Variants in MALRD1 observed in about 807,000 individuals in gnomAD.
MALRD1 encodes MAM and LDL-receptor class A domain-containing protein 1.
A neutral mutation model predicts 242.1 loss-of-function variants in MALRD1; 247 were observed. The observed-to-expected ratio is 1.02, with a 90% confidence interval of 0.92 to 1.13. The LOEUF is 1.13. Among genes scored for constraint, MALRD1 ranks in the 50% most tolerant of loss-of-function variants. The probability of loss-of-function intolerance (pLI) is 0.00; values close to 1 mark genes in which losing one functional copy is unlikely to be tolerated. For synonymous variants in MALRD1, 995 were observed against 866.6 expected (o/e 1.15, Z -2.60); for missense variants, 2,989 against 2,533.1 (o/e 1.18, Z -3.86).
intron 36 of MALRD1, among the ~76,000 whole-genome samples, chr10:19,618,926 C>T (rs1839285572): frequency 6.6e-6 from 1 of 151,992 alleles, no homozygotes; most frequent in African/African-American, 2.4e-5. Flanking sequence ...AGTTTCTCTT[C>T]TGTTTGTCTA....
intron 33 of MALRD1, among the ~76,000 whole-genome samples, chr10:19,576,507 A>G (rs1836834106): frequency 6.6e-6 from 1 of 152,230 alleles, no homozygotes; most frequent in African/African-American, 2.4e-5. Context: ...AATGGAAGGG[A>G]AATTAATCAA....
At position 19,154,702 on chromosome 10, in the gene MALRD1, A is replaced by T. The variant is rs558493237; in HGVS notation, c.1559-373A>T. Among the ~76,000 whole-genome samples the T allele has an allele frequency of 3.3e-5, 5 of 152,318 alleles. No individual in the cohort carries two copies. The East Asian group carries it at 7.7e-4, about 24-fold the overall frequency. On this transcript the variant is annotated intron_variant, in intron 11 of 39. Coordinates refer to ENST00000454679, the MANE Select transcript of MALRD1 (RefSeq NM_001142308.3). ...ATTCCATAAGCTCATATCCTTCGGTACTTTGTGAAGAAACTAAAAAGTAAA... is the reference window on the plus strand; with the variant it reads ...ATTCCATAAGCTCATATCCTTCGGTTCTTTGTGAAGAAACTAAAAAGTAAA...
At chr10:19,382,646 G>C (rs1018324933) in intron 26 of MALRD1, among the ~76,000 whole-genome samples, 1 of 151,894 alleles carries the variant, frequency 6.6e-6, no homozygotes, top group South Asian at 2.1e-4. Flanking sequence ...GTCTTGATCC[G>C]GGCTTTCTTC....
intron 36 of MALRD1, among the ~76,000 whole-genome samples, chr10:19,687,924 TTATGTTATGTTA>T (rs1842647029): frequency 2.1e-5 from 1 of 47,432 alleles, no homozygotes; most frequent in South Asian, 5.0e-4. Flanking sequence ...TTATGTTATG[TTATGTTATGTTA>T]TGTTATGTTA....
At chr10:19,570,459 G>C (rs908018875) in intron 33 of MALRD1, among the ~76,000 whole-genome samples, 3 of 152,004 alleles carry the variant, frequency 2.0e-5, no homozygotes, top group African/African-American at 4.8e-5. Context: ...GAATGTCAAA[G>C]AGAAAACAGA....
At chr10:19,715,769 A>G (rs1464867050) in intron 38 of MALRD1, among the ~76,000 whole-genome samples, 1 of 152,190 alleles carries the variant, frequency 6.6e-6, no homozygotes, top group Non-Finnish European at 1.5e-5. Context: ...ATCATGGCGG[A>G]AGGCAAAGGG....
chr10:19,048,431 A>T (rs1410275687), upstream of MALRD1, among the ~76,000 whole-genome samples: 2 of 152,226 alleles, frequency 1.3e-5, no homozygotes, highest in Admixed American at 1.3e-4. Context: ...ATGGAAAAGC[A>T]TTTTATTTTC....
intron 33 of MALRD1, among the ~76,000 whole-genome samples, chr10:19,583,968 G>A (rs7080035): frequency 0.51 from 77,612 of 151,734 alleles, 19,953 homozygotes; most frequent in African/African-American, 0.54. Flanking sequence ...TGTGTGTGTC[G>A]AGGAATTTAT....
intron 33 of MALRD1, among the ~76,000 whole-genome samples, chr10:19,576,600 G>C (rs1280401603): frequency 6.6e-6 from 1 of 152,126 alleles, no homozygotes; most frequent in Non-Finnish European, 1.5e-5. Context: ...TTATTCTTTA[G>C]TACACCTACT....
intron 5 of MALRD1, among the ~76,000 whole-genome samples, chr10:19,121,286 C>A (rs1026109258): frequency 2.6e-5 from 4 of 151,836 alleles, no homozygotes; most frequent in African/African-American, 9.7e-5. Flanking sequence ...AGTGATCCAC[C>A]TGCTTCGGCC....
intron 18 of MALRD1, among the ~76,000 whole-genome samples, chr10:19,238,427 A>ATATATAATGTATAT (rs1838534638): frequency 3.7e-5 from 3 of 80,070 alleles, no homozygotes; most frequent in Admixed American, 2.3e-4. Flanking sequence ...AATATACATT[A>ATATATAATGTATAT]TATATAATAT....
intron 1 of MALRD1, among the ~76,000 whole-genome samples, chr10:19,051,137 A>G (rs987197302): frequency 6.6e-6 from 1 of 152,222 alleles, no homozygotes; most frequent in African/African-American, 2.4e-5. Flanking sequence ...GAATCACTTT[A>G]AAGCATGAAT....
At chr10:19,667,746 C>T (rs1841738041) in intron 36 of MALRD1, among the ~76,000 whole-genome samples, 1 of 152,124 alleles carries the variant, frequency 6.6e-6, no homozygotes, top group African/African-American at 2.4e-5. Flanking sequence ...GCTTTCTGTA[C>T]AGTCTGCAAA....
At chr10:19,477,819 A>T (rs915708902) in intron 29 of MALRD1, among the ~76,000 whole-genome samples, 7 of 152,172 alleles carry the variant, frequency 4.6e-5, no homozygotes, top group African/African-American at 1.7e-4. Context: ...GAAGCTGGTC[A>T]TCCCACCGTA....
chr10:19,647,482 T>C (rs1326983), intron 36 of MALRD1, among the ~76,000 whole-genome samples: 87,364 of 151,908 alleles, frequency 0.58, 25,224 homozygotes, highest in African/African-American at 0.6. Context: ...TAGGAATAGA[T>C]GAGTAAAGTG....
At chr10:19,614,035 AT>A (rs1336920722) in intron 35 of MALRD1, among the ~76,000 whole-genome samples, 1 of 150,832 alleles carries the variant, frequency 6.6e-6, no homozygotes, top group Admixed American at 6.6e-5. Flanking sequence ...CCACACTCAC[AT>A]TTTTTTTTCA....
intron 21 of MALRD1, among the ~76,000 whole-genome samples, chr10:19,302,498 T>C (rs1397723513): frequency 2.0e-5 from 3 of 151,772 alleles, no homozygotes; most frequent in African/African-American, 4.8e-5. Context: ...TGGATGAACG[T>C]TGAGAACATT....
At chr10:19,180,402 C>G (rs557659731) in intron 14 of MALRD1, among the ~76,000 whole-genome samples, 13 of 152,160 alleles carry the variant, frequency 8.5e-5, no homozygotes, top group African/African-American at 3.1e-4. Flanking sequence ...ACAGAGAGCT[C>G]AGAAATAAAT....
intron 33 of MALRD1, among the ~76,000 whole-genome samples, chr10:19,568,404 C>A (rs939243599): frequency 6.6e-6 from 1 of 151,844 alleles, no homozygotes; most frequent in Non-Finnish European, 1.5e-5. Context: ...AGTTTCTTTT[C>A]TTTTAAGGCC....
Sources: allele counts gnomAD v4.1 joint callset (sites outside exome capture counted in the v4.1 genomes callset), GRCh38; gene constraint gnomAD v4.1.1; transcripts MANE v1.5; gene names NCBI Gene and HGNC (gene_info 2026-07-23, HGNC 2026-07-21).